ITPR2: variants seen among roughly 807,000 people sequenced by gnomAD.
The protein encoded by ITPR2 is inositol 1,4,5-trisphosphate receptor type 2.
In ITPR2, 207 loss-of-function variants were observed where a neutral mutation model predicts 317.1. That is an observed-to-expected ratio of 0.65 (90% CI 0.58 to 0.73). The LOEUF is 0.73. ITPR2 is among the 30% of genes least tolerant of loss of function. ITPR2 has a pLI of 0.00. For synonymous variants in ITPR2, 1,156 were observed against 1,149.1 expected (o/e 1.01, Z -0.12); for missense variants, 2,613 against 3,284.0 (o/e 0.80, Z 4.99).
At chr12:26,724,148 C>G (rs777347160) in intron 4 of ITPR2, among the ~76,000 whole-genome samples, 1 of 152,062 alleles carries the variant, frequency 6.6e-6, no homozygotes, top group Non-Finnish European at 1.5e-5. Flanking sequence ...CATATATTAA[C>G]AAATAACCAA....
At chr12:26,689,841 G>A (rs1948200970) in intron 10 of ITPR2, among the ~76,000 whole-genome samples, 1 of 152,204 alleles carries the variant, frequency 6.6e-6, no homozygotes, top group African/African-American at 2.4e-5. Context: ...AGGAAGGAAG[G>A]AGGAGGTTTA....
At chr12:26,402,412 A>G (rs911141179) in intron 52 of ITPR2, among the ~76,000 whole-genome samples, 6 of 152,194 alleles carry the variant, frequency 3.9e-5, no homozygotes, top group Non-Finnish European at 7.3e-5. Context: ...GGCTTAGTAA[A>G]TGCTGATTAA....
chr12:26,507,220 T>C (rs1025759454), intron 37 of ITPR2, among the ~76,000 whole-genome samples: 3 of 152,066 alleles, frequency 2.0e-5, no homozygotes, highest in Admixed American at 6.5e-5. Flanking sequence ...TAATGAAAAA[T>C]AGAAATCCTT....
intron 37 of ITPR2, among the ~76,000 whole-genome samples, chr12:26,509,269 C>T (rs1943267561): frequency 6.6e-6 from 1 of 152,106 alleles, no homozygotes; most frequent in African/African-American, 2.4e-5. Context: ...TGCTAAGAGG[C>T]ATGGGGTTTC....
At chr12:26,441,085 C>A (rs2136732997) in intron 46 of ITPR2, among the ~76,000 whole-genome samples, 1 of 152,158 alleles carries the variant, frequency 6.6e-6, no homozygotes, top group East Asian at 1.9e-4. Context: ...GTCAAGCTAT[C>A]ATGTTGAGGG....
intron 32 of ITPR2, among the ~76,000 whole-genome samples, chr12:26,590,242 T>C (rs1042007953): frequency 6.6e-6 from 1 of 152,182 alleles, no homozygotes; most frequent in Non-Finnish European, 1.5e-5. Context: ...AAGATGATCT[T>C]CATTTTCTTC....
At chr12:26,514,605 GA>G (rs1943440282) in intron 37 of ITPR2, among the ~76,000 whole-genome samples, 2 of 152,166 alleles carry the variant, frequency 1.3e-5, no homozygotes, top group African/African-American at 4.8e-5. Context: ...ACTATCATTT[GA>G]AAACTGTCAG....
rs534878540 is a variant in ITPR2 at position 26,371,543 on chromosome 12, T to C, written c.7857+15891A>G. 2.0e-5 allele frequency among the ~76,000 whole-genome samples: 3 copies of C among 152,338 alleles called. No homozygotes were observed. The East Asian group carries it at 5.8e-4, about 29-fold the overall frequency. On this transcript the variant is annotated intron_variant, in intron 55 of 56. Transcript: ENST00000381340. The stretch of plus-strand genomic sequence containing the variant: ...GATAGACTATGACGAAGTGCTCTTA[T>C]AGAGGGCCTGAGGTCTTTAGGTGGA...
At chr12:26,740,519 G>C (rs1388271498) in intron 2 of ITPR2, among the ~76,000 whole-genome samples, 1 of 152,180 alleles carries the variant, frequency 6.6e-6, no homozygotes, top group African/African-American at 2.4e-5. Flanking sequence ...ACAGTAGAAA[G>C]AGTAAGCTTC....
chr12:26,463,855 A>C (rs533691171), intron 45 of ITPR2, among the ~76,000 whole-genome samples: 1 of 152,268 alleles, frequency 6.6e-6, no homozygotes, highest in Admixed American at 6.5e-5. Flanking sequence ...CCACAGTTGC[A>C]ACACAGGGCT....
intron 52 of ITPR2, among the ~76,000 whole-genome samples, chr12:26,401,611 T>C (rs1458162052): frequency 6.6e-6 from 1 of 152,230 alleles, no homozygotes; most frequent in Non-Finnish European, 1.5e-5. Context: ...TGTATTTTTC[T>C]CACTACAAGG....
intron 55 of ITPR2, among the ~76,000 whole-genome samples, chr12:26,376,281 A>G (rs1416449308): frequency 6.6e-6 from 1 of 152,180 alleles, no homozygotes; most frequent in Non-Finnish European, 1.5e-5. Context: ...CCAAGTCCAC[A>G]TATGCACTTA....
intron 34 of ITPR2, among the ~76,000 whole-genome samples, chr12:26,569,554 CA>C (rs34705409): frequency 1.7e-4 from 23 of 134,380 alleles, no homozygotes; most frequent in Admixed American, 3.9e-4. Context: ...GACTCTGTCT[CA>C]AAAAAAAAAA....
intron 8 of ITPR2, among the ~76,000 whole-genome samples, chr12:26,713,934 A>G (rs1050047064): frequency 6.6e-6 from 1 of 152,132 alleles, no homozygotes; most frequent in Non-Finnish European, 1.5e-5. Context: ...AGCCTCGTGT[A>G]TTATTAGCTT....
At position 26,545,297 on chromosome 12, in the gene ITPR2, G is replaced by A. The variant is rs149155470; in HGVS notation, c.5073+4950C>T. On this transcript the variant is annotated intron_variant, in intron 37 of 56. Transcript: ENST00000381340. ...GGGAAAATTATACCAGATTATCCAGGTGGTTCCAATGTAATCACAGGTGTT... is the reference window on the plus strand; with the variant it reads ...GGGAAAATTATACCAGATTATCCAGATGGTTCCAATGTAATCACAGGTGTT... 1.8e-3 allele frequency among the ~76,000 whole-genome samples: 279 copies of A among 152,192 alleles called. 1 individual carries two copies. The highest frequency in any genetic ancestry group is 0.017 in the Middle Eastern group (5 of 294).
intron 54 of ITPR2, among the ~76,000 whole-genome samples, chr12:26,396,625 C>G (rs1940007868): frequency 6.6e-6 from 1 of 152,094 alleles, no homozygotes; most frequent in Non-Finnish European, 1.5e-5. Context: ...CTCGGACACC[C>G]TCCTCCACAC....
In ITPR2 at chr12:26,391,846, A is replaced by G. The variant is rs180962269; in HGVS notation, c.7697-4252T>C. 1.2e-4 allele frequency among the ~76,000 whole-genome samples: 18 copies of G among 152,190 alleles called. No homozygotes were observed. The East Asian group carries it at 3.5e-3, about 29-fold the overall frequency. ...TCCCAAAGTTGCTGAGATTACAGGCATGAGCCACCGTGCCCGGCCTATTCT... is the reference window on the plus strand; with the variant it reads ...TCCCAAAGTTGCTGAGATTACAGGCGTGAGCCACCGTGCCCGGCCTATTCT... On this transcript the variant is annotated intron_variant, in intron 54 of 56. Transcript: ENST00000381340.
At chr12:26,347,748 T>C (rs927817905) in intron 55 of ITPR2, among the ~76,000 whole-genome samples, 14 of 152,230 alleles carry the variant, frequency 9.2e-5, no homozygotes, top group Admixed American at 2.0e-4. Context: ...TTCTGGGGTA[T>C]GCTAACGATT....
intron 53 of ITPR2, 73 bp from the exon 54 acceptor site, chr12:26,399,114 T>C (rs2136648201): frequency 4.6e-6 from 5 of 1,080,188 alleles, no homozygotes; most frequent in East Asian, 5.7e-5. Flanking sequence ...AGAGAGTATA[T>C]TCAATAAATG....
Sources: gnomAD v4.1 joint callset for allele counts (sites outside exome capture counted in the v4.1 genomes callset) on GRCh38, gnomAD v4.1.1 for gene constraint, MANE v1.5 for transcripts, NCBI Gene and HGNC (gene_info 2026-07-23, HGNC 2026-07-21) for gene names.